Variants in TMPRSS15 observed in about 807,000 individuals in gnomAD.
TMPRSS15 encodes the protein enteropeptidase.
A neutral mutation model predicts 125.3 loss-of-function variants in TMPRSS15; 128 were observed. The observed-to-expected ratio is 1.02, with a 90% confidence interval of 0.89 to 1.18. The LOEUF (loss-of-function observed/expected upper bound fraction) is 1.18. Ranked by LOEUF, TMPRSS15 falls within the 50% of genes most tolerant of loss-of-function variation. The pLI, the probability that TMPRSS15 is intolerant of heterozygous loss-of-function variation, is 0.00. For missense variants in TMPRSS15, 1,283 were observed against 1,212.7 expected, an observed-to-expected ratio of 1.06 and a Z score of -0.86; for synonymous variants, 446 against 423.2, an observed-to-expected ratio of 1.05 and a Z score of -0.66.
At position 18,315,267 on chromosome 21, in the gene TMPRSS15, A is replaced by G. The variant is rs763549960; in HGVS notation, c.1922-11T>C. On this transcript the variant is annotated splice_polypyrimidine_tract_variant and intron_variant, in intron 16 of 24. Transcript: ENST00000284885. ...CTGCCTTGCATGGCTCTATGGGGAA[A>G]GAATGTTTATTGTATAGGATAAAGA... The G allele has an allele frequency of 6.3e-7, 1 of 1,598,004 alleles. No individual in the cohort carries two copies. Among genetic ancestry groups the G allele is most frequent in the African/African-American group, 1.3e-5 (1 of 74,742 alleles).
intron 3 of TMPRSS15, among the ~76,000 whole-genome samples, chr21:18,391,009 T>C (rs1009865683): frequency 1.3e-5 from 2 of 152,108 alleles, no homozygotes. Context: ...TCATAAGAAC[T>C]CACACACTGT....
intron 3 of TMPRSS15, among the ~76,000 whole-genome samples, chr21:18,387,374 T>C (rs2075952824): frequency 6.6e-6 from 1 of 152,180 alleles, no homozygotes; most frequent in Non-Finnish European, 1.5e-5. Context: ...ATGATATTGG[T>C]AACCTTTAGG....
intron 3 of TMPRSS15, among the ~76,000 whole-genome samples, chr21:18,386,504 TG>T (rs1325046386): frequency 6.6e-6 from 1 of 152,202 alleles, no homozygotes; most frequent in African/African-American, 2.4e-5. Context: ...TGGATATTTT[TG>T]GGGAGAAGGG....
chr21:18,387,603 A>T (rs1051142594), intron 3 of TMPRSS15, among the ~76,000 whole-genome samples: 1 of 76,782 alleles, frequency 1.3e-5, no homozygotes, highest in Admixed American at 1.3e-4. Context: ...AGCTACACAC[A>T]CACACACATA....
intron 1 of TMPRSS15, among the ~76,000 whole-genome samples, chr21:18,467,195 T>C (rs1203118168): frequency 1.3e-5 from 2 of 151,856 alleles, no homozygotes; most frequent in Admixed American, 1.3e-4. Flanking sequence ...CACTCATAAG[T>C]GGGAGCTGAA....
intron 12 of TMPRSS15, 56 bp from the exon 13 acceptor site, chr21:18,341,604 T>C: frequency 6.3e-7 from 1 of 1,578,490 alleles, no homozygotes. Context: ...CTTCTCTGAC[T>C]TGATTCTTCT....
At chr21:18,421,183 A>G (rs1012094109) in intron 1 of TMPRSS15, among the ~76,000 whole-genome samples, 3 of 152,198 alleles carry the variant, frequency 2.0e-5, no homozygotes, top group Non-Finnish European at 4.4e-5. Context: ...ATGTAAAAAT[A>G]TGCAGCATAT....
intron 5 of TMPRSS15, among the ~76,000 whole-genome samples, chr21:18,376,404 A>G (rs2075843869): frequency 6.6e-6 from 1 of 152,172 alleles, no homozygotes; most frequent in Non-Finnish European, 1.5e-5. Context: ...CTTTGGTATC[A>G]GGTAAAATCT....
chr21:18,349,632 G>A (rs980204732), intron 10 of TMPRSS15, among the ~76,000 whole-genome samples: 2 of 152,136 alleles, frequency 1.3e-5, no homozygotes, highest in Non-Finnish European at 2.9e-5. Context: ...ACGCCCTTTG[G>A]AGAGGAATGA....
At chr21:18,294,154 A>C (rs369357414) in intron 21 of TMPRSS15, 116 bp downstream of exon 21, 1 of 1,237,610 alleles carries the variant, frequency 8.1e-7, no homozygotes, top group African/African-American at 1.5e-5. Context: ...TTATAATGTC[A>C]TAAACAGCAG....
chr21:18,404,160 T>A (rs1305445928), upstream of TMPRSS15, among the ~76,000 whole-genome samples: 1 of 152,242 alleles, frequency 6.6e-6, no homozygotes, highest in Admixed American at 6.5e-5. Context: ...AACATATATA[T>A]ACTCTCTCTG....
intron 10 of TMPRSS15, among the ~76,000 whole-genome samples, chr21:18,352,211 T>G (rs1010829696): frequency 6.6e-6 from 1 of 152,104 alleles, no homozygotes; most frequent in African/African-American, 2.4e-5. Context: ...GCTTCTAATA[T>G]TTCACCACGA....
intron 1 of TMPRSS15, among the ~76,000 whole-genome samples, chr21:18,408,787 G>C (rs2076158750): frequency 6.6e-6 from 1 of 152,008 alleles, no homozygotes; most frequent in Admixed American, 6.6e-5. Flanking sequence ...CTTAAGTACT[G>C]CAATCTAAGA....
At position 18,343,489 on chromosome 21, in the gene TMPRSS15, T is replaced by C; in HGVS notation, c.1428+17A>G. ...ACAAAAAGGATACAAATATAAATAA[T>C]AAAGTATTTTGCAAACCTTAAATTT... On this transcript the variant is annotated intron_variant, in intron 12 of 24. Transcript: ENST00000284885. 1.9e-6 allele frequency: 3 copies of C among 1,572,834 alleles called. No homozygotes were observed. The highest frequency in any genetic ancestry group is 2.6e-6 in the Non-Finnish European group (3 of 1,144,120).
intron 1 of TMPRSS15, among the ~76,000 whole-genome samples, chr21:18,453,806 G>C (rs1978386040): frequency 6.6e-6 from 1 of 152,176 alleles, no homozygotes; most frequent in South Asian, 2.1e-4. Context: ...TGTATAATAT[G>C]AGTAAGACTC....
intron 1 of TMPRSS15, among the ~76,000 whole-genome samples, chr21:18,479,028 T>G (rs1307753141): frequency 6.6e-6 from 1 of 151,952 alleles, no homozygotes; most frequent in Admixed American, 6.6e-5. Flanking sequence ...TACTTACTGG[T>G]TGAGCATCCC....
At position 18,279,099 on chromosome 21, in the gene TMPRSS15, AAAAG is replaced by A. The variant is rs200479096; in HGVS notation, c.2669-44_2669-41del. 3,426 of 1,050,276 alleles carry A rather than the reference AAAAG, an allele frequency of 3.3e-3. 71 individuals carry two copies. Among genetic ancestry groups the A allele is most frequent in the Admixed American group, 0.032 (1,855 of 57,246 alleles). The allele number at this position is 1,050,276 out of a possible 1,614,324, so 65.1% of individuals were successfully genotyped here. ...AAACAGCAAAACGAACAAACGAAGA[AAAAG>A]AAAGAACAGATTTACAAGCATTTCT... On this transcript the variant is annotated intron_variant, in intron 22 of 24. Coordinates refer to ENST00000284885, the MANE Select transcript of TMPRSS15 (RefSeq NM_002772.3).
chr21:18,271,479 A>G (rs535710202), intron 24 of TMPRSS15, among the ~76,000 whole-genome samples: 80 of 152,306 alleles, frequency 5.3e-4, no homozygotes, highest in Non-Finnish European at 8.1e-4. Context: ...CTTGTTGCCT[A>G]TCGGCTGGGT....
In TMPRSS15 at chr21:18,326,655, G is replaced by T. The variant is rs2075294547; in HGVS notation, c.1781-83C>A. ...TGTACCCCACATCTCAGTTCCCTCTGCCAGACGTAGGGCTACATGTTACAT... is the reference window on the plus strand; with the variant it reads ...TGTACCCCACATCTCAGTTCCCTCTTCCAGACGTAGGGCTACATGTTACAT... On this transcript the variant is annotated intron_variant, in intron 15 of 24. Coordinates refer to ENST00000284885, the MANE Select transcript of TMPRSS15 (RefSeq NM_002772.3). 6.6e-6 allele frequency: 10 copies of T among 1,518,558 alleles called. No homozygotes were observed. The Admixed American group carries it at 6.8e-5, about 10-fold the overall frequency. 94.1% of individuals were successfully genotyped at this position (1,518,558 alleles called of 1,614,324 possible).
Sources: allele counts gnomAD v4.1 joint callset (sites outside exome capture counted in the v4.1 genomes callset), GRCh38; gene constraint gnomAD v4.1.1; transcripts MANE v1.5; gene names NCBI Gene and HGNC (gene_info 2026-07-23, HGNC 2026-07-21).